Variants in PCDHA2 observed in about 807,000 individuals in gnomAD.
The protein encoded by PCDHA2 is protocadherin alpha-2.
A neutral mutation model predicts 66.0 loss-of-function variants in PCDHA2; 58 were observed. The observed-to-expected ratio is 0.88, with a 90% CI of 0.71 to 1.09. PCDHA2 has a LOEUF of 1.09. Ranked by LOEUF, PCDHA2 falls within the 50% of genes least tolerant of loss-of-function variation. PCDHA2 has a pLI of 0.00. For synonymous variants in PCDHA2, 634 were observed against 554.0 expected, an observed-to-expected ratio of 1.14 and a Z score of -2.03; for missense variants, 1,267 against 1,242.3, an observed-to-expected ratio of 1.02 and a Z score of -0.30.
chr5:140,809,233 G>T (rs782654173), intron 1 of PCDHA2: 4 of 1,614,102 alleles, frequency 2.5e-6, no homozygotes, highest in East Asian at 4.5e-5. Flanking sequence ...CCTCACGGGC[G>T]TTGGTGGGCG....
At chr5:140,841,478 G>T (rs2150316253) in intron 1 of PCDHA2, 16 of 1,612,980 alleles carry the variant, frequency 9.9e-6, no homozygotes, top group Non-Finnish European at 1.2e-5. Context: ...GCAGGACCTG[G>T]GGCTGGAGCT....
intron 1 of PCDHA2, among the ~76,000 whole-genome samples, chr5:140,827,478 A>G (rs1477917338): frequency 6.6e-6 from 1 of 152,232 alleles, no homozygotes; most frequent in Non-Finnish European, 1.5e-5. Context: ...TTATTGAACA[A>G]AGAAAGCATG....
At chr5:140,913,862 T>G (rs1554196081) in intron 1 of PCDHA2, among the ~76,000 whole-genome samples, 1 of 152,218 alleles carries the variant, frequency 6.6e-6, no homozygotes, top group African/African-American at 2.4e-5. Flanking sequence ...GCATATTGTT[T>G]AATTTCCATG....
At chr5:140,974,910 C>T (rs1054560750) in intron 1 of PCDHA2, among the ~76,000 whole-genome samples, 1 of 152,114 alleles carries the variant, frequency 6.6e-6, no homozygotes, top group Admixed American at 6.5e-5. Flanking sequence ...AACAAATTAC[C>T]ACAAGTAAGT....
chr5:140,981,144 A>G (rs1245688386), intron 2 of PCDHA2, among the ~76,000 whole-genome samples: 1 of 152,238 alleles, frequency 6.6e-6, no homozygotes, highest in African/African-American at 2.4e-5. Flanking sequence ...GAGTGAGAAA[A>G]CATTGAACTT....
intron 1 of PCDHA2, chr5:140,828,247 G>A: frequency 5.0e-6 from 8 of 1,613,980 alleles, no homozygotes; most frequent in Non-Finnish European, 6.8e-6. Flanking sequence ...CGCAGGACCT[G>A]GGGCTGGAGC....
At chr5:140,823,960 G>A (rs2150130834) in intron 1 of PCDHA2, 1 of 1,614,104 alleles carries the variant, frequency 6.2e-7, no homozygotes, top group South Asian at 1.1e-5. Context: ...GCCCACCGAG[G>A]CCGTGTGCAC....
chr5:140,896,847 A>G (rs892276664), intron 1 of PCDHA2, among the ~76,000 whole-genome samples: 5 of 152,064 alleles, frequency 3.3e-5, no homozygotes, highest in African/African-American at 4.8e-5. Flanking sequence ...TTTTAATTTT[A>G]TGGGTACATA....
At chr5:140,876,321 G>T (rs2153339560) in intron 1 of PCDHA2, 2 of 1,614,030 alleles carry the variant, frequency 1.2e-6, no homozygotes, top group East Asian at 2.2e-5. Context: ...GGATCAAAAT[G>T]ATTTTGCCAG....
In PCDHA2 at chr5:140,835,890, G is replaced by T. The variant is rs147416989; in HGVS notation, c.2388+38538G>T. Reference sequence around the variant, plus strand: ...GGTGGAGCTGCGGGTGGGCGAGCGCGCGCTGTCGAGCTACGTGTCAGTGCA... The same window carrying T: ...GGTGGAGCTGCGGGTGGGCGAGCGCTCGCTGTCGAGCTACGTGTCAGTGCA... On this transcript the variant is annotated intron_variant, in intron 1 of 3. Coordinates refer to ENST00000526136, the MANE Select transcript of PCDHA2 (RefSeq NM_018905.3). 490 of 1,611,966 alleles carry T rather than the reference G, an allele frequency of 3.0e-4. 3 individuals carry two copies. In the African/African-American group the frequency reaches 5.1e-3, roughly 17 times the overall value.
chr5:140,809,090 C>T (rs746844684), intron 1 of PCDHA2: 4 of 1,613,834 alleles, frequency 2.5e-6, no homozygotes, highest in South Asian at 2.2e-5. Flanking sequence ...CAGCACAACG[C>T]GTGCCCTGGA....
chr5:140,940,790 A>G (rs1337945408), intron 1 of PCDHA2, among the ~76,000 whole-genome samples: 3 of 152,176 alleles, frequency 2.0e-5, no homozygotes, highest in African/African-American at 7.2e-5. Context: ...TATCCTGAAA[A>G]TGATATTTGC....
intron 1 of PCDHA2, among the ~76,000 whole-genome samples, chr5:140,912,129 A>C (rs2075781767): frequency 6.6e-6 from 1 of 152,156 alleles, no homozygotes; most frequent in Admixed American, 6.6e-5. Flanking sequence ...AGTCAGTCTA[A>C]TCTCTCCATG....
chr5:140,846,369 C>CTTTTTTTTTTTTTTT (rs797033964), intron 1 of PCDHA2, among the ~76,000 whole-genome samples: 7 of 102,190 alleles, frequency 6.8e-5, no homozygotes, highest in Non-Finnish European at 1.2e-4. Context: ...TCTTTTCTTT[C>CTTTTTTTTTTTTTTT]TTTCTTTTTT....
rs74520967 is a variant in PCDHA2 at position 140,931,074 on chromosome 5, G to A, written c.2389-47875G>A. Among the ~76,000 whole-genome samples, 869 of 152,264 alleles carry A rather than the reference G, an allele frequency of 5.7e-3. 7 individuals are homozygous for A. The highest frequency in any genetic ancestry group is 0.018 in the African/African-American group (768 of 41,552). ...ATGCTGTGTCTGGGACTAAGTATGAGTCCAGTTCTACAGATGACAAAGGAA... is the reference window on the plus strand; with the variant it reads ...ATGCTGTGTCTGGGACTAAGTATGAATCCAGTTCTACAGATGACAAAGGAA... On this transcript the variant is annotated intron_variant, in intron 1 of 3. Coordinates refer to ENST00000526136, the MANE Select transcript of PCDHA2 (RefSeq NM_018905.3).
rs199990641 is a variant in PCDHA2, at chr5:140,966,961, G to C, written c.2389-11988G>C. On this transcript the variant is annotated intron_variant, in intron 1 of 3. Coordinates refer to ENST00000526136, the MANE Select transcript of PCDHA2 (RefSeq NM_018905.3). ...TCGTGGGCAACGTGGCTCGCGCGCT[G>C]GGGCTTGAGCTGCGGCGCTTGGGGC... The C allele has an allele frequency of 8.7e-6, 14 of 1,603,190 alleles. No individual in the cohort carries two copies. The East Asian group carries it at 2.7e-4, about 31-fold the overall frequency.
intron 1 of PCDHA2, chr5:140,835,633 G>A (rs1449740308): frequency 2.5e-5 from 40 of 1,613,932 alleles, no homozygotes; most frequent in Non-Finnish European, 3.2e-5. Flanking sequence ...GACCGCGAGA[G>A]TGTGTCCGCC....
chr5:140,914,944 C>CTTT (rs35695909), intron 1 of PCDHA2, among the ~76,000 whole-genome samples: 2 of 128,266 alleles, frequency 1.6e-5, no homozygotes, highest in Non-Finnish European at 3.3e-5. Context: ...GAAAAGTTGT[C>CTTT]TTTTTTTTTT....
At chr5:140,901,580 C>T (rs2068755035) in intron 1 of PCDHA2, among the ~76,000 whole-genome samples, 3 of 152,008 alleles carry the variant, frequency 2.0e-5, no homozygotes, top group Admixed American at 6.6e-5. Context: ...TATGCCAGTG[C>T]CATGATGTTT....
Sources: gnomAD v4.1 joint callset for allele counts (sites outside exome capture counted in the v4.1 genomes callset) on GRCh38, gnomAD v4.1.1 for gene constraint, MANE v1.5 for transcripts, NCBI Gene and HGNC (gene_info 2026-07-23, HGNC 2026-07-21) for gene names.